Variants in PDE12 observed in about 807,000 individuals in gnomAD.
PDE12 encodes the protein 2',5'-phosphodiesterase 12.
PDE12 carries 26 observed loss-of-function variants against 45.4 expected under a neutral mutation model. The ratio of observed to expected loss-of-function variants is 0.57; its 90% CI spans 0.42 to 0.79. PDE12 has a LOEUF of 0.79. PDE12 is among the 30% of genes least tolerant of loss of function. PDE12 has a pLI of 0.00. For missense variants in PDE12, 668 were observed against 790.0 expected (o/e 0.85, Z 1.85); for synonymous variants, 283 against 323.9 (o/e 0.87, Z 1.36).
chr3:57,637,979 C>T, the PDE12 span, among the ~76,000 whole-genome samples: 1 of 151,374 alleles, frequency 6.6e-6, no homozygotes, highest in Admixed American at 6.6e-5. Flanking sequence ...ACTAAAAATA[C>T]AAAAATCAGC....
chr3:57,572,445 C>T, the PDE12 span: 1,982 of 596,746 alleles, frequency 3.3e-3, 13 homozygotes, highest in Middle Eastern at 9.2e-3. Context: ...TCTGGCTGGG[C>T]GTGGTGGCTC....
the PDE12 span, among the ~76,000 whole-genome samples, chr3:57,573,151 G>A: frequency 4.0e-5 from 6 of 149,492 alleles, no homozygotes; most frequent in East Asian, 4.0e-4. Flanking sequence ...GCAGTGAGCC[G>A]AGATCGTGCC....
At chr3:57,605,410 G>C in the PDE12 span, among the ~76,000 whole-genome samples, 1 of 152,010 alleles carries the variant, frequency 6.6e-6, no homozygotes, top group African/African-American at 2.4e-5. Context: ...GGTTGGTTGG[G>C]AACAATGCCT....
the PDE12 span, among the ~76,000 whole-genome samples, chr3:57,573,213 A>AG: frequency 6.6e-6 from 1 of 151,446 alleles, no homozygotes; most frequent in Admixed American, 6.6e-5. Context: ...AAAAAAAAAA[A>AG]AAGAAAGAAA....
At chr3:57,651,612 T>TA in the PDE12 span, among the ~76,000 whole-genome samples, 1 of 151,982 alleles carries the variant, frequency 6.6e-6, no homozygotes, top group East Asian at 1.9e-4. Flanking sequence ...GTGAATATAT[T>TA]AAAAAACTAG....
chr3:57,595,908 G>A, the PDE12 span, among the ~76,000 whole-genome samples: 1 of 151,410 alleles, frequency 6.6e-6, no homozygotes, highest in African/African-American at 2.4e-5. Context: ...CCGAGATTGC[G>A]CCACTGCACT....
At chr3:57,655,091 TG>T in the PDE12 span, among the ~76,000 whole-genome samples, 212 of 152,132 alleles carry the variant, frequency 1.4e-3, 1 homozygote, top group African/African-American at 4.8e-3. Flanking sequence ...TGGAGTGCAG[TG>T]GCACGATCTC....
the PDE12 span, among the ~76,000 whole-genome samples, chr3:57,598,644 G>T: frequency 6.6e-6 from 1 of 152,162 alleles, no homozygotes; most frequent in Non-Finnish European, 1.5e-5. Flanking sequence ...AACCGGGCGT[G>T]GTGGCGGGTG....
At chr3:57,557,759 G>A in intron 1 of PDE12, 72 bp downstream of exon 1, 2 of 1,350,918 alleles carry the variant, frequency 1.5e-6, no homozygotes, top group Admixed American at 2.0e-5. Flanking sequence ...GAATGAGGTG[G>A]GGGTTAAAAG....
In PDE12 at chr3:57,561,678, G is replaced by C; in HGVS notation, c.*1674G>C. 1.0e-6 allele frequency: 1 copy of C among 984,796 alleles called. No individual in the cohort carries two copies. The highest frequency in any genetic ancestry group is 1.2e-6 in the Non-Finnish European group (1 of 829,448). The allele number at this position is 984,796 out of a possible 1,614,324, so 61.0% of individuals were successfully genotyped here. On this transcript the variant is annotated 3_prime_UTR_variant, in exon 3 of 3. Transcript: ENST00000311180. The stretch of plus-strand genomic sequence containing the variant: ...TAAAAGCCCACTCCCTTCAAGAAAA[G>C]CTTTGATTTTCCCCAGTCATGAAAG...
In PDE12 at chr3:57,556,874, C is replaced by T; in HGVS notation, c.495C>T (p.Thr165=). 6.2e-7 allele frequency: 1 copy of T among 1,614,132 alleles called. No homozygotes were observed. Among genetic ancestry groups the T allele is most frequent in the Non-Finnish European group, 8.5e-7 (1 of 1,180,042 alleles). ...TGGAGCGCAACCCGCCCGCCTTCAC[C>T]GAACTGCAGTTGCCGCGCTACATCA... The part of the protein sequence containing the change: ...YKVERNPPAF[T]ELQLPRYIMA... The change falls in exon 1 of 3, where the codon ACC becomes ACT. Residue 165 remains threonine, a synonymous_variant. Coordinates refer to ENST00000311180, the MANE Select transcript of PDE12 (RefSeq NM_177966.7). The surrounding 1 kb of genome is among the most constrained non-coding windows in gnomAD (Gnocchi z 5.0).
the PDE12 span, among the ~76,000 whole-genome samples, chr3:57,655,682 C>T: frequency 3.3e-5 from 5 of 152,098 alleles, no homozygotes; most frequent in Non-Finnish European, 5.9e-5. Context: ...GCATAAGTGA[C>T]CCTTGTGTTT....
At chr3:57,616,376 G>T in the PDE12 span, among the ~76,000 whole-genome samples, 21 of 146,576 alleles carry the variant, frequency 1.4e-4, no homozygotes, top group African/African-American at 4.5e-4. Context: ...GAGGAGGCAG[G>T]GGGGAGGAGG....
chr3:57,594,630 G>C, the PDE12 span, among the ~76,000 whole-genome samples: 1 of 152,274 alleles, frequency 6.6e-6, no homozygotes, highest in South Asian at 2.1e-4. Flanking sequence ...TAGTAGTTTG[G>C]CAAACCTGAC....
rs1575773560 is a variant in PDE12, at chr3:57,560,702, T to G, written c.*698T>G. 3.8e-5 allele frequency: 37 copies of G among 983,956 alleles called. No homozygotes were observed. The highest frequency in any genetic ancestry group is 4.5e-5 in the Non-Finnish European group (37 of 828,350). The allele number at this position is 983,956 out of a possible 1,614,324, so 61.0% of individuals were successfully genotyped here. ...TAAAGTACCATTTGAATGATCTTAA[T>G]TTTTCTTTCATGACAACACATTCCA... On this transcript the variant is annotated 3_prime_UTR_variant, in exon 3 of 3. Coordinates refer to ENST00000311180, the MANE Select transcript of PDE12 (RefSeq NM_177966.7).
At position 57,563,148 on chromosome 3, in the gene PDE12, C is replaced by T. The variant is rs1188215967; in HGVS notation, c.*3144C>T. 6.6e-6 allele frequency: 1 copy of T among 151,966 alleles called. No homozygotes were observed. The highest frequency in any genetic ancestry group is 1.9e-4 in the East Asian group (1 of 5,188). The allele number at this position is 151,966 out of a possible 1,614,324, so 9.4% of individuals were successfully genotyped here. A position where few individuals can be genotyped will look rare whatever the true frequency, so the allele number is the denominator to read the frequency against. On this transcript the variant is annotated 3_prime_UTR_variant, in exon 3 of 3. Coordinates refer to ENST00000311180, the MANE Select transcript of PDE12 (RefSeq NM_177966.7). ...TTTGCATTATTAGTTTATCACAAGA[C>T]CCATGTGACAACTCAGAAAATATTC...
chr3:57,616,392 G>A, the PDE12 span, among the ~76,000 whole-genome samples: 1 of 144,172 alleles, frequency 6.9e-6, no homozygotes. Context: ...GGAGGAGAAG[G>A]AGAAGAAGAA....
chr3:57,626,230 C>A, the PDE12 span: 1 of 152,544 alleles, frequency 6.6e-6, no homozygotes, highest in African/African-American at 2.4e-5. Flanking sequence ...GGTATTAGAC[C>A]ACAGTTACAA....
the PDE12 span, chr3:57,628,263 G>A: frequency 6.2e-7 from 1 of 1,614,096 alleles, no homozygotes; most frequent in East Asian, 2.2e-5. Flanking sequence ...CTCTGGCAAT[G>A]CTAAGATAAT....
Sources: allele counts gnomAD v4.1 joint callset (sites outside exome capture counted in the v4.1 genomes callset), GRCh38; gene constraint gnomAD v4.1.1; non-coding constraint Gnocchi (gnomAD v3.1); transcripts MANE v1.5; gene names NCBI Gene and HGNC (gene_info 2026-07-23, HGNC 2026-07-21).